Variants in CYBRD1 observed in about 807,000 individuals in gnomAD.
CYBRD1 encodes cytochrome b reductase 1.
CYBRD1 carries 14 observed loss-of-function variants against 21.9 expected under a neutral mutation model. The ratio of observed to expected loss-of-function variants is 0.64; its 90% CI spans 0.42 to 1.00. The LOEUF is 1.00. CYBRD1 is among the 50% of genes least tolerant of loss of function. The pLI is 0.00. For missense variants in CYBRD1, 328 were observed against 352.5 expected (o/e 0.93, Z 0.56); for synonymous variants, 146 against 136.5 (o/e 1.07, Z -0.48).
At chr2:171,553,632 GT>G (rs1188284501) in intron 3 of CYBRD1, 132 bp downstream of exon 3, 2 of 794,892 alleles carry the variant, frequency 2.5e-6, no homozygotes, top group Non-Finnish European at 3.4e-6. Flanking sequence ...TAAAGAATTT[GT>G]TATATCATAT....
intron 1 of CYBRD1, among the ~76,000 whole-genome samples, chr2:171,523,591 C>A (rs1219895118): frequency 6.6e-6 from 1 of 152,220 alleles, no homozygotes; most frequent in Non-Finnish European, 1.5e-5. Context: ...GATGCCTCTG[C>A]TCGGGATGCC....
chr2:171,535,488 T>A (rs1436264110), intron 1 of CYBRD1, among the ~76,000 whole-genome samples: 1 of 142,638 alleles, frequency 7.0e-6, no homozygotes, highest in African/African-American at 2.6e-5. Flanking sequence ...ATTTGACACA[T>A]TTCTCTGTGA....
intron 2 of CYBRD1, among the ~76,000 whole-genome samples, chr2:171,547,661 TC>T (rs1242039051): frequency 1.3e-5 from 2 of 152,118 alleles, no homozygotes; most frequent in East Asian, 3.8e-4. Context: ...TGGGGTGATT[TC>T]TTGCTTTGTT....
At chr2:171,546,198 C>T (rs558886716) in intron 2 of CYBRD1, among the ~76,000 whole-genome samples, 1 of 152,282 alleles carries the variant, frequency 6.6e-6, no homozygotes, top group South Asian at 2.1e-4. Flanking sequence ...ATTAGGAAGA[C>T]CTCAGTTTGG....
intron 2 of CYBRD1, among the ~76,000 whole-genome samples, chr2:171,542,572 A>G (rs946488398): frequency 3.3e-5 from 5 of 152,190 alleles, no homozygotes; most frequent in African/African-American, 1.2e-4. Context: ...GAGAATACCT[A>G]TTTAAAAATC....
intron 1 of CYBRD1, among the ~76,000 whole-genome samples, chr2:171,538,986 C>T (rs1697588446): frequency 6.6e-6 from 1 of 152,028 alleles, no homozygotes; most frequent in African/African-American, 2.4e-5. Flanking sequence ...TTAGTAGAGA[C>T]TGGGCTTCAT....
chr2:171,545,320 T>C (rs940671017), intron 2 of CYBRD1, among the ~76,000 whole-genome samples: 4 of 151,866 alleles, frequency 2.6e-5, no homozygotes, highest in Non-Finnish European at 5.9e-5. Context: ...TCTTAAATCA[T>C]AAATGGATGT....
intron 1 of CYBRD1, among the ~76,000 whole-genome samples, chr2:171,528,170 C>CT (rs1391638856): frequency 1.3e-5 from 2 of 152,138 alleles, no homozygotes; most frequent in Admixed American, 6.6e-5. Flanking sequence ...ACCGCAAACT[C>CT]TGCCTCCCGG....
chr2:171,536,598 G>A (rs771631329), intron 1 of CYBRD1, among the ~76,000 whole-genome samples: 1 of 152,018 alleles, frequency 6.6e-6, no homozygotes, highest in Non-Finnish European at 1.5e-5. Flanking sequence ...GAGCCACCAC[G>A]CCCAGCCTGT....
At chr2:171,530,739 G>A (rs1697453195) in intron 1 of CYBRD1, among the ~76,000 whole-genome samples, 1 of 152,082 alleles carries the variant, frequency 6.6e-6, no homozygotes, top group South Asian at 2.1e-4. Context: ...CCAAAACATT[G>A]GGCTGATCAA....
At chr2:171,530,868 C>T (rs1476567686) in intron 1 of CYBRD1, among the ~76,000 whole-genome samples, 1 of 152,084 alleles carries the variant, frequency 6.6e-6, no homozygotes, top group Non-Finnish European at 1.5e-5. Context: ...AAAGGTAGAA[C>T]ATTCTTCCTT....
chr2:171,550,021 A>G (rs1023549966), intron 2 of CYBRD1, among the ~76,000 whole-genome samples: 2 of 152,206 alleles, frequency 1.3e-5, no homozygotes, highest in African/African-American at 2.4e-5. Context: ...GCAGTTTGTT[A>G]AAAATACAGA....
chr2:171,553,356 G>C lies in CYBRD1; in HGVS notation c.413G>C (p.Gly138Ala). 3 of 1,613,382 alleles carry C rather than the reference G, an allele frequency of 1.9e-6. No homozygotes were observed. The highest frequency in any genetic ancestry group is 2.5e-6 in the Non-Finnish European group (3 of 1,179,574). Residue 138 changes from glycine (G) to alanine (A), a missense_variant, in exon 3 of 4, where the codon GGT becomes GCT. Transcript: ENST00000321348. ...VICYLLQLLS[G>A]FSVFLLPWAP... The stretch of plus-strand genomic sequence containing the variant: ...CTTTTTGGTGTTTAGCTTCTTTCAG[G>C]TTTTTCAGTCTTTCTGCTTCCATGG...
At chr2:171,536,481 T>G (rs1697547946) in intron 1 of CYBRD1, among the ~76,000 whole-genome samples, 1 of 152,126 alleles carries the variant, frequency 6.6e-6, no homozygotes, top group Non-Finnish European at 1.5e-5. Context: ...GATTTTTGTG[T>G]TTTTAGTGGA....
intron 1 of CYBRD1, chr2:171,523,126 G>A: frequency 3.1e-6 from 1 of 326,042 alleles, no homozygotes; most frequent in Non-Finnish European, 6.1e-6. Context: ...CAGTCGGGCC[G>A]CTGCAGCCCA....
chr2:171,525,981 C>T (rs987364495), intron 1 of CYBRD1, among the ~76,000 whole-genome samples: 13 of 144,764 alleles, frequency 9.0e-5, no homozygotes, highest in African/African-American at 3.3e-4. Context: ...AAGAAGTAGG[C>T]TCTGGCCGGG....
At chr2:171,553,740 C>T (rs991527991) in intron 3 of CYBRD1, among the ~76,000 whole-genome samples, 1 of 152,152 alleles carries the variant, frequency 6.6e-6, no homozygotes, top group Non-Finnish European at 1.5e-5. Flanking sequence ...CATTCCCTTT[C>T]AATCTTGTTG....
chr2:171,523,112 C>G (rs541556699), intron 1 of CYBRD1: 1 of 329,268 alleles, frequency 3.0e-6, no homozygotes, highest in Admixed American at 5.0e-5. Flanking sequence ...GCCGGAGCGC[C>G]GCGCAGTCGG....
chr2:171,547,886 G>A (rs1284201667), intron 2 of CYBRD1, among the ~76,000 whole-genome samples: 1 of 152,084 alleles, frequency 6.6e-6, no homozygotes, highest in Non-Finnish European at 1.5e-5. Flanking sequence ...TTGGAGTGAT[G>A]CTAGTCTCTG....
Sources: gnomAD v4.1 joint callset for allele counts (sites outside exome capture counted in the v4.1 genomes callset) on GRCh38, gnomAD v4.1.1 for gene constraint, MANE v1.5 for transcripts, NCBI Gene and HGNC (gene_info 2026-07-23, HGNC 2026-07-21) for gene names.